Variants in ZBBX observed in about 807,000 individuals in gnomAD.
The protein encoded by ZBBX is zinc finger B-box domain containing, also known as zinc finger B-box domain-containing protein 1.
In ZBBX, 101 loss-of-function variants were observed where a neutral mutation model predicts 108.5. That is an observed-to-expected ratio of 0.93 (90% CI 0.79 to 1.10). The LOEUF (loss-of-function observed/expected upper bound fraction) is 1.10. Ranked by LOEUF, ZBBX falls within the 50% of genes least tolerant of loss-of-function variation. ZBBX has a pLI of 0.00. For synonymous variants in ZBBX, 356 were observed against 323.4 expected, an observed-to-expected ratio of 1.10 and a Z score of -1.08; for missense variants, 1,009 against 941.4, an observed-to-expected ratio of 1.07 and a Z score of -0.94.
intron 1 of ZBBX, among the ~76,000 whole-genome samples, chr3:167,405,355 T>C (rs188226499): frequency 3.7e-4 from 56 of 151,892 alleles, no homozygotes; most frequent in Admixed American, 3.2e-3. Flanking sequence ...GAAACTGCAA[T>C]GAAGAAAAGA....
chr3:167,203,379 C>G, the ZBBX span, among the ~76,000 whole-genome samples: 592 of 152,162 alleles, frequency 3.9e-3, 3 homozygotes, highest in South Asian at 0.022. Context: ...GCTTACATTT[C>G]AAGGTACTAG....
chr3:167,187,757 T>C, the ZBBX span, among the ~76,000 whole-genome samples: 1 of 152,140 alleles, frequency 6.6e-6, no homozygotes, highest in Admixed American at 6.5e-5. Context: ...TATATTACTA[T>C]CCAAGGTGGC....
intron 5 of ZBBX, among the ~76,000 whole-genome samples, chr3:167,368,004 T>C (rs1745593008): frequency 6.9e-6 from 1 of 145,984 alleles, no homozygotes; most frequent in Non-Finnish European, 1.5e-5. Flanking sequence ...ATATATGTAA[T>C]AGCATTTATT....
At chr3:167,285,765 A>G (rs567409449) in intron 19 of ZBBX, among the ~76,000 whole-genome samples, 1 of 152,216 alleles carries the variant, frequency 6.6e-6, no homozygotes, top group Non-Finnish European at 1.5e-5. Flanking sequence ...GGTATTCAAA[A>G]GGGAATAAGA....
At chr3:167,365,095 G>T (rs188146782) in intron 6 of ZBBX, among the ~76,000 whole-genome samples, 2 of 151,636 alleles carry the variant, frequency 1.3e-5, no homozygotes, top group African/African-American at 2.4e-5. Context: ...AAACGTTGGG[G>T]TCAAAACTTT....
chr3:167,242,562 G>A lies in ZBBX; in HGVS notation c.2336C>T (p.Ser779Phe). The A allele has an allele frequency of 5.6e-6, 9 of 1,613,614 alleles. No individual in the cohort carries two copies. The highest frequency in any genetic ancestry group is 7.6e-6 in the Non-Finnish European group (9 of 1,179,784). Residue 779 changes from serine to phenylalanine, a missense_variant, in exon 21 of 22, where the codon TCC becomes TTC. Coordinates refer to ENST00000675490, the MANE Select transcript of ZBBX (RefSeq NM_001199201.2). The stretch of plus-strand genomic sequence containing the variant: ...ATGTGAGGTCTTAAGGAAATCTGTG[G>A]AAATCTGACTTATATTCAGTGATTG... ...SSQSLNISQISTDFLKTSHVR... is the reference protein window; with the variant it reads ...SSQSLNISQIFTDFLKTSHVR...
chr3:167,276,851 C>T (rs1345262160), intron 20 of ZBBX, among the ~76,000 whole-genome samples: 2 of 151,948 alleles, frequency 1.3e-5, no homozygotes, highest in East Asian at 1.9e-4. Flanking sequence ...AGAGAAAGGT[C>T]GGGTTACCCT....
chr3:167,293,790 G>A lies in ZBBX; in HGVS notation c.1879+4515C>T, dbSNP rs556968899. On this transcript the variant is annotated intron_variant, in intron 18 of 21. Transcript: ENST00000675490. Reference sequence around the variant, plus strand: ...TGCAGATGACATGATTGTATATTTAGAAAACCCCATTGTCTCAGCCCAAAC... The same window carrying A: ...TGCAGATGACATGATTGTATATTTAAAAAACCCCATTGTCTCAGCCCAAAC... Among the ~76,000 whole-genome samples, 4 of 152,254 alleles carry A rather than the reference G, an allele frequency of 2.6e-5. No individual in the cohort carries two copies. The South Asian group carries it at 8.3e-4, about 32-fold the overall frequency.
intron 1 of ZBBX, among the ~76,000 whole-genome samples, chr3:167,397,461 C>G (rs1383241989): frequency 6.6e-6 from 1 of 151,732 alleles, no homozygotes; most frequent in Non-Finnish European, 1.5e-5. Flanking sequence ...AAAAAATTAT[C>G]AGAATGGATT....
chr3:167,229,066 A>C, the ZBBX span, among the ~76,000 whole-genome samples: 2 of 151,848 alleles, frequency 1.3e-5, no homozygotes, highest in Non-Finnish European at 2.9e-5. Context: ...AAACTTAGCA[A>C]GTGGATTGTG....
intron 11 of ZBBX, among the ~76,000 whole-genome samples, chr3:167,325,395 A>G (rs1455052081): frequency 6.6e-6 from 1 of 152,084 alleles, no homozygotes; most frequent in Non-Finnish European, 1.5e-5. Flanking sequence ...CCATTTATAA[A>G]ACCATCATAT....
At chr3:167,179,721 C>G in the ZBBX span, among the ~76,000 whole-genome samples, 2 of 152,186 alleles carry the variant, frequency 1.3e-5, no homozygotes, top group Non-Finnish European at 2.9e-5. Flanking sequence ...AAAACTTTAC[C>G]TTTTGAGCCA....
intron 19 of ZBBX, among the ~76,000 whole-genome samples, chr3:167,286,671 A>G (rs953293473): frequency 6.6e-6 from 1 of 152,114 alleles, no homozygotes; most frequent in Non-Finnish European, 1.5e-5. Flanking sequence ...AAAAATAAAT[A>G]GGATACACTG....
intron 8 of ZBBX, among the ~76,000 whole-genome samples, chr3:167,353,399 C>A (rs1742994570): frequency 6.6e-6 from 1 of 151,980 alleles, no homozygotes; most frequent in Non-Finnish European, 1.5e-5. Flanking sequence ...AACAAGAAGT[C>A]AAATACTGCA....
intron 21 of ZBBX, among the ~76,000 whole-genome samples, chr3:167,241,892 T>G (rs1720738766): frequency 6.6e-6 from 1 of 152,214 alleles, no homozygotes; most frequent in Admixed American, 6.5e-5. Context: ...TATTTTAGTC[T>G]TTCTAGAAGA....
At chr3:167,385,488 A>T (rs562254429) in intron 1 of ZBBX, among the ~76,000 whole-genome samples, 16 of 152,090 alleles carry the variant, frequency 1.1e-4, no homozygotes, top group Non-Finnish European at 2.1e-4. Flanking sequence ...AATTTTTTTT[A>T]AAAATTTCAT....
chr3:167,261,775 C>CAAAA (rs60045904), intron 20 of ZBBX, among the ~76,000 whole-genome samples: 2 of 96,280 alleles, frequency 2.1e-5, no homozygotes, highest in Non-Finnish European at 4.0e-5. Context: ...CTCCCAACTG[C>CAAAA]AAAAAAAAAA....
At chr3:167,206,984 A>G in the ZBBX span, among the ~76,000 whole-genome samples, 1 of 152,190 alleles carries the variant, frequency 6.6e-6, no homozygotes, top group Non-Finnish European at 1.5e-5. Context: ...AATCAACATA[A>G]AATGGATTAA....
intron 9 of ZBBX, among the ~76,000 whole-genome samples, chr3:167,348,548 A>T (rs906879081): frequency 2.0e-5 from 3 of 151,934 alleles, no homozygotes; most frequent in African/African-American, 7.2e-5. Flanking sequence ...GAATTTGGAG[A>T]CTATTTCAAA....
Sources: allele counts gnomAD v4.1 joint callset (sites outside exome capture counted in the v4.1 genomes callset), GRCh38; gene constraint gnomAD v4.1.1; transcripts MANE v1.5; gene names NCBI Gene and HGNC (gene_info 2026-07-23, HGNC 2026-07-21).